Variants in SCN2A observed in about 807,000 individuals in gnomAD.
The protein encoded by SCN2A is sodium channel protein type 2 subunit alpha.
A neutral mutation model predicts 188.7 loss-of-function variants in SCN2A; 20 were observed. The ratio of observed to expected loss-of-function variants is 0.11; its 90% CI spans 0.07 to 0.15. The LOEUF is 0.15. Among genes scored for constraint, SCN2A ranks in the 10% least tolerant of loss-of-function variants. SCN2A has a pLI of 1.00. For synonymous variants in SCN2A, 804 were observed against 833.1 expected (o/e 0.97, Z 0.60); for missense variants, 1,278 against 2,445.0 (o/e 0.52, Z 10.07).
chr2:165,375,173 T>C (rs567220125), intron 22 of SCN2A, among the ~76,000 whole-genome samples: 1 of 151,982 alleles, frequency 6.6e-6, no homozygotes, highest in African/African-American at 2.4e-5. Context: ...GAAAACAGTA[T>C]GGAGGTTTCT....
At position 165,243,285 on chromosome 2, in the gene SCN2A, G is replaced by A. The variant is rs150937378; in HGVS notation, c.-52+3645G>A. On this transcript the variant is annotated intron_variant, in intron 1 of 26. Coordinates refer to ENST00000375437, the MANE Select transcript of SCN2A (RefSeq NM_001040142.2). ...TTGAATCCTTCAGTTTCATTAGCAC[G>A]TTCACCAGGACTTGTGTAGAGAGAG... 6.9e-4 allele frequency among the ~76,000 whole-genome samples: 105 copies of A among 152,044 alleles called. 1 individual carries two copies. Among genetic ancestry groups the A allele is most frequent in the Non-Finnish European group, 3.5e-4 (24 of 67,976 alleles).
intron 16 of SCN2A, among the ~76,000 whole-genome samples, chr2:165,350,068 T>C (rs1699804830): frequency 1.3e-5 from 2 of 152,242 alleles, no homozygotes; most frequent in Non-Finnish European, 2.9e-5. Flanking sequence ...AGGATTTTTA[T>C]GAGCCATTCT....
chr2:165,369,985 A>C (rs1215917521), intron 19 of SCN2A, 141 bp from the exon 20 acceptor site: 1 of 684,306 alleles, frequency 1.5e-6, no homozygotes, highest in East Asian at 2.7e-5. Flanking sequence ...GATAATGATA[A>C]AGTAAAATTC....
At chr2:165,317,369 A>AG (rs796390330) in intron 11 of SCN2A, among the ~76,000 whole-genome samples, 1 of 119,882 alleles carries the variant, frequency 8.3e-6, no homozygotes, top group Admixed American at 9.0e-5. Context: ...GGAGGGAGGG[A>AG]GGGGGGAGAG....
chr2:165,331,716 A>T (rs1034962641), intron 14 of SCN2A, 148 bp downstream of exon 14: 5 of 714,014 alleles, frequency 7.0e-6, no homozygotes, highest in Admixed American at 4.2e-5. Flanking sequence ...AATAACAAAA[A>T]AATGTTGCTA....
chr2:165,266,554 C>T (rs1024482530), intron 1 of SCN2A: 5 of 152,086 alleles, frequency 3.3e-5, no homozygotes, highest in Non-Finnish European at 7.4e-5. Context: ...AACTCCTTCT[C>T]GATCAACATG....
At chr2:165,368,211 C>G (rs971871795) in intron 19 of SCN2A, among the ~76,000 whole-genome samples, 1 of 152,054 alleles carries the variant, frequency 6.6e-6, no homozygotes, top group Non-Finnish European at 1.5e-5. Context: ...GACTCCTCTC[C>G]GAAGCTATGC....
chr2:165,298,824 G>A (rs887882766), intron 3 of SCN2A, among the ~76,000 whole-genome samples: 4 of 151,898 alleles, frequency 2.6e-5, no homozygotes, highest in Non-Finnish European at 5.9e-5. Context: ...ATAAAATTAC[G>A]TGGAAAATTC....
At chr2:165,348,453 G>A (rs73025911) in intron 16 of SCN2A, among the ~76,000 whole-genome samples, 4,005 of 151,968 alleles carry the variant, frequency 0.026, 189 homozygotes, top group African/African-American at 0.091. Flanking sequence ...AAGGGGAAGG[G>A]AAAAAGGCAA....
At position 165,315,692 on chromosome 2, in the gene SCN2A, A is replaced by T; in HGVS notation, c.1605A>T (p.Lys535Asn). 1 of 1,613,686 alleles carries T rather than the reference A, an allele frequency of 6.2e-7. No homozygotes were observed. The highest frequency in any genetic ancestry group is 8.5e-7 in the Non-Finnish European group (1 of 1,179,932). The change falls in exon 11 of 27, where the codon AAA becomes AAT. Residue 535 changes from lysine (K) to asparagine (N), a missense_variant. Physicochemically the swap from Lys to Asn is moderately conservative, Grantham distance 94. Around this residue, in one of 17 missense-constraint regions of SCN2A, gnomAD observed 315 missense variants for 386.6 expected, o/e 0.81. Transcript: ENST00000375437. The part of the protein sequence containing the change: ...KSESEDSIRR[K>N]GFRFSLEGSR... ...AATCTGAAGACAGCATAAGAAGAAA[A>T]GGTTTCCGTTTTTCCTTGGAAGGAA...
At chr2:165,384,662 G>A (rs1701774725) in intron 25 of SCN2A, among the ~76,000 whole-genome samples, 1 of 152,086 alleles carries the variant, frequency 6.6e-6, no homozygotes, top group African/African-American at 2.4e-5. Flanking sequence ...ACAAGTGGAA[G>A]GGAAAGAAAA....
chr2:165,359,722 G>A (rs1342869351), intron 17 of SCN2A, among the ~76,000 whole-genome samples: 1 of 151,904 alleles, frequency 6.6e-6, no homozygotes, highest in Non-Finnish European at 1.5e-5. Context: ...AGTCCTCATG[G>A]GAAAGTTTTC....
At chr2:165,373,498 C>A in intron 21 of SCN2A, 151 bp downstream of exon 21, 2 of 865,212 alleles carry the variant, frequency 2.3e-6, no homozygotes, top group Non-Finnish European at 3.6e-6. Context: ...TACCAGATGC[C>A]CATAATACTT....
chr2:165,275,740 CT>C (rs1157967914), intron 1 of SCN2A, among the ~76,000 whole-genome samples: 5 of 148,644 alleles, frequency 3.4e-5, no homozygotes, highest in South Asian at 2.1e-4. Flanking sequence ...GAGTTATACC[CT>C]TTTTTTTTTC....
rs1431274661 is a variant in SCN2A at position 165,262,247 on chromosome 2, T to TG, written c.-52+22611dup. On this transcript the variant is annotated intron_variant, in intron 1 of 26. Transcript: ENST00000375437. ...TTTTAAAAAAATTTCAATAGGTTTTTGGGGAACTGGTGGTGTTTGGTTACA... is the reference window on the plus strand; with the variant it reads ...TTTTAAAAAAATTTCAATAGGTTTTTGGGGGAACTGGTGGTGTTTGGTTACA... Among the ~76,000 whole-genome samples, 12 of 152,312 alleles carry TG rather than the reference T, an allele frequency of 7.9e-5. No individual in the cohort carries two copies. In the East Asian group the frequency reaches 2.3e-3, roughly 29 times the overall value.
At chr2:165,247,806 A>T (rs1340470154) in intron 1 of SCN2A, among the ~76,000 whole-genome samples, 1 of 152,166 alleles carries the variant, frequency 6.6e-6, no homozygotes, top group Non-Finnish European at 1.5e-5. Context: ...TTGTGTGTCT[A>T]ACTGCTTATT....
At chr2:165,333,488 A>G (rs1036559050) in intron 14 of SCN2A, among the ~76,000 whole-genome samples, 1 of 151,976 alleles carries the variant, frequency 6.6e-6, no homozygotes, top group African/African-American at 2.4e-5. Flanking sequence ...TTAGAAACCA[A>G]TAACAAGTCA....
intron 14 of SCN2A, among the ~76,000 whole-genome samples, chr2:165,336,799 C>T (rs554911635): frequency 6.6e-6 from 1 of 151,894 alleles, no homozygotes; most frequent in East Asian, 1.9e-4. Flanking sequence ...TACTTTACCC[C>T]CATGTTGCAG....
chr2:165,322,903 G>C (rs1698147434), intron 11 of SCN2A, among the ~76,000 whole-genome samples: 1 of 152,208 alleles, frequency 6.6e-6, no homozygotes, highest in South Asian at 2.1e-4. Flanking sequence ...TGTGGGTAAA[G>C]TAGGAGAAAA....
Sources: gnomAD v4.1 joint callset for allele counts (sites outside exome capture counted in the v4.1 genomes callset) on GRCh38, gnomAD v4.1.1 for gene constraint, gnomAD v4.1.1 regional missense constraint, MANE v1.5 for transcripts, NCBI Gene and HGNC (gene_info 2026-07-23, HGNC 2026-07-21) for gene names.